The following DYTN variants were observed in gnomAD, a reference collection of about 807,000 sequenced individuals.
DYTN encodes dystrotelin.
Under a neutral mutation model 69.6 loss-of-function variants are expected in DYTN, and 75 were observed. That is an observed-to-expected ratio of 1.08 (90% CI 0.89 to 1.31). DYTN has a LOEUF of 1.31. Among genes scored for constraint, DYTN ranks in the 50% most tolerant of loss-of-function variants. The probability of loss-of-function intolerance (pLI) is 0.00; values close to 1 mark genes in which losing one functional copy is unlikely to be tolerated. For synonymous variants in DYTN, 252 were observed against 249.1 expected (o/e 1.01, Z -0.11); for missense variants, 726 against 688.4 (o/e 1.05, Z -0.61).
intron 6 of DYTN, 83 bp downstream of exon 6, chr2:206,700,062 G>T: frequency 6.3e-7 from 1 of 1,578,336 alleles, no homozygotes; most frequent in Non-Finnish European, 8.7e-7. Context: ...AGTAATAATA[G>T]GTCTGTAATG....
chr2:206,692,909 A>C (rs1699879879), intron 9 of DYTN, among the ~76,000 whole-genome samples: 1 of 152,166 alleles, frequency 6.6e-6, no homozygotes, highest in African/African-American at 2.4e-5. Context: ...TAATATTAAA[A>C]ATCTTCTTTG....
rs1699903659 is a variant in DYTN, at chr2:206,694,856, G to A, written c.741C>T (p.Leu247=). The change falls in exon 8 of 12, where the codon CTC becomes CTT. Residue 247 remains leucine, a synonymous_variant. Transcript: ENST00000452335. ...AACACATCTGGCAGATGTCAAAGTT[G>A]AGACACTTCAGACAGCGGTATCTGC... ...TGLRYRCLKC[L]NFDICQMCFL... is the part of the protein sequence containing the mutation. The A allele has an allele frequency of 3.1e-6, 5 of 1,606,610 alleles. No homozygotes were observed. Among genetic ancestry groups the A allele is most frequent in the Non-Finnish European group, 4.2e-6 (5 of 1,177,368 alleles).
chr2:206,717,568 G>A (rs1023294485), intron 1 of DYTN, among the ~76,000 whole-genome samples: 2 of 152,206 alleles, frequency 1.3e-5, no homozygotes, highest in Non-Finnish European at 2.9e-5. Flanking sequence ...ATTACCTACT[G>A]CTTTGTGTAA....
chr2:206,678,558 C>T (rs979646938), intron 9 of DYTN, among the ~76,000 whole-genome samples: 1 of 152,108 alleles, frequency 6.6e-6, no homozygotes, highest in Non-Finnish European at 1.5e-5. Context: ...ATATCAACAA[C>T]GGTGGAGTTA....
At chr2:206,717,422 C>G (rs185227192) in intron 1 of DYTN, among the ~76,000 whole-genome samples, 158 of 152,306 alleles carry the variant, frequency 1.0e-3, no homozygotes, top group Non-Finnish European at 1.9e-3. Context: ...ATGTACATTC[C>G]TGGACTCTTC....
At chr2:206,666,163 TG>T in intron 9 of DYTN, 134 bp from the exon 10 acceptor site, 6 of 1,231,314 alleles carry the variant, frequency 4.9e-6, no homozygotes, top group Non-Finnish European at 6.6e-6. Context: ...CTGTGTTTTT[TG>T]TTGAGATGGA....
intron 9 of DYTN, among the ~76,000 whole-genome samples, chr2:206,691,061 T>C (rs1355458037): frequency 6.6e-6 from 1 of 152,188 alleles, no homozygotes; most frequent in African/African-American, 2.4e-5. Context: ...TGCTGTCACA[T>C]TTGTGTCAAA....
At chr2:206,717,527 T>C (rs1700141197) in intron 1 of DYTN, among the ~76,000 whole-genome samples, 1 of 152,200 alleles carries the variant, frequency 6.6e-6, no homozygotes, top group Admixed American at 6.5e-5. Flanking sequence ...CCTTAGAAAA[T>C]TGAGAAAGAA....
Position 206,718,321 on chromosome 2 carries a change from G to A in DYTN, c.-42C>T. ...AATGACAGATGGCAAGTGGGTCCCT[G>A]TAACTAGAAATGAACCAGTATTTTA... On this transcript the variant is annotated 5_prime_UTR_variant, in exon 1 of 12. Transcript: ENST00000452335. 6.3e-7 allele frequency: 1 copy of A among 1,593,202 alleles called. No homozygotes were observed. The highest frequency in any genetic ancestry group is 8.6e-7 in the Non-Finnish European group (1 of 1,169,140).
intron 5 of DYTN, among the ~76,000 whole-genome samples, chr2:206,703,914 A>C (rs2105900455): frequency 1.3e-5 from 2 of 152,334 alleles, no homozygotes; most frequent in South Asian, 4.1e-4. Flanking sequence ...GACAATCCAG[A>C]GCCTGTTTAA....
chr2:206,680,256 G>T (rs13432299), intron 9 of DYTN, among the ~76,000 whole-genome samples: 13,106 of 152,040 alleles, frequency 0.086, 1,897 homozygotes, highest in African/African-American at 0.3. Flanking sequence ...AAAACCATCA[G>T]ATCTTATGAG....
rs553955002 is a variant in DYTN, at chr2:206,686,363, A to G, written c.980+6812T>C. On this transcript the variant is annotated intron_variant, in intron 9 of 11. Transcript: ENST00000452335. ...AGCCTCGAAGAAATGAGGAGGAAAA[A>G]TAATTGTAATTTAAGGAGTCCATTT... Among the ~76,000 whole-genome samples, 338 of 152,354 alleles carry G rather than the reference A, an allele frequency of 2.2e-3. 2 individuals carry two copies. The highest frequency in any genetic ancestry group is 7.5e-3 in the African/African-American group (313 of 41,596).
chr2:206,661,075 G>GGACATA (rs1035867635), intron 11 of DYTN, among the ~76,000 whole-genome samples: 10 of 152,050 alleles, frequency 6.6e-5, no homozygotes, highest in African/African-American at 2.4e-4. Context: ...GAAAAAATTT[G>GGACATA]GACATAGACA....
chr2:206,715,965 G>T (rs954934359), intron 1 of DYTN, among the ~76,000 whole-genome samples: 4 of 152,162 alleles, frequency 2.6e-5, no homozygotes, highest in African/African-American at 9.7e-5. Context: ...GTGCGTGCCT[G>T]TAATCTCAGC....
intron 9 of DYTN, among the ~76,000 whole-genome samples, chr2:206,667,036 C>A (rs912330242): frequency 1.3e-5 from 2 of 152,072 alleles, no homozygotes; most frequent in Non-Finnish European, 2.9e-5. Context: ...CAGAGAGAGA[C>A]CCTGTCTCTA....
intron 9 of DYTN, among the ~76,000 whole-genome samples, chr2:206,683,635 C>T (rs553623479): frequency 6.6e-5 from 10 of 152,134 alleles, no homozygotes; most frequent in Middle Eastern, 3.4e-3. Context: ...TGAGCCACCG[C>T]GCCCTGCCTT....
At chr2:206,702,703 T>C (rs1699987066) in intron 5 of DYTN, among the ~76,000 whole-genome samples, 1 of 152,176 alleles carries the variant, frequency 6.6e-6, no homozygotes, top group Admixed American at 6.5e-5. Context: ...ACTTCATTTG[T>C]AAAATAAGGT....
In DYTN at chr2:206,699,791, C is replaced by A; in HGVS notation, c.655G>T (p.Ala219Ser). Reference sequence around the variant, plus strand: ...CGAGCAGGGTGAGTGACCCTTTCAGCAGCTGATAACCGGTGGCAGGTCGGG... The same window carrying A: ...CGAGCAGGGTGAGTGACCCTTTCAGAAGCTGATAACCGGTGGCAGGTCGGG... The part of the protein sequence containing the change: ...WLPTCHRLSA[A>S]ERVTHPARCT... Residue 219 changes from alanine (A) to serine (S), a missense_variant, in exon 7 of 12, where the codon GCT becomes TCT. Ala to Ser is a moderately conservative substitution (Grantham distance 99). Coordinates refer to ENST00000452335, the MANE Select transcript of DYTN (RefSeq NM_001093730.1). The A allele has an allele frequency of 6.2e-7, 1 of 1,613,860 alleles. No individual in the cohort carries two copies. The highest frequency in any genetic ancestry group is 8.5e-7 in the Non-Finnish European group (1 of 1,179,828).
Position 206,694,270 on chromosome 2 carries a change from A to T in DYTN, c.831+496T>A, listed in dbSNP as rs1412174341. 2.0e-5 allele frequency among the ~76,000 whole-genome samples: 3 copies of T among 152,230 alleles called. No individual in the cohort carries two copies. The East Asian group carries it at 5.8e-4, about 29-fold the overall frequency. On this transcript the variant is annotated intron_variant, in intron 8 of 11. Transcript: ENST00000452335. ...ATTTGAAAGGCAGCTGTGAAGTTTT[A>T]GTTGTATACTTTTTCAGTCAACATT...
Sources: gnomAD v4.1 joint callset for allele counts (sites outside exome capture counted in the v4.1 genomes callset) on GRCh38, gnomAD v4.1.1 for gene constraint, MANE v1.5 for transcripts, NCBI Gene and HGNC (gene_info 2026-07-23, HGNC 2026-07-21) for gene names.